The following C8orf34 variants were observed in gnomAD, a reference collection of about 807,000 sequenced individuals.
C8orf34 encodes chromosome 8 open reading frame 34.
In C8orf34, 65 loss-of-function variants were observed where a neutral mutation model predicts 68.3. That is an observed-to-expected ratio of 0.95 (90% CI 0.78 to 1.17). C8orf34 has a LOEUF of 1.17. Ranked by LOEUF, C8orf34 falls within the 50% of genes most tolerant of loss-of-function variation. The probability of loss-of-function intolerance (pLI) is 0.00; values close to 1 mark genes in which losing one functional copy is unlikely to be tolerated. For synonymous variants in C8orf34, 244 were observed against 241.2 expected, an observed-to-expected ratio of 1.01 and a Z score of -0.11; for missense variants, 664 against 655.4, an observed-to-expected ratio of 1.01 and a Z score of -0.14.
chr8:68,791,010 A>G (rs2958318), intron 12 of C8orf34: 1 of 598,270 alleles, frequency 1.7e-6, no homozygotes, highest in East Asian at 2.8e-5. Flanking sequence ...CTCATCTATA[A>G]ATAAGTTTGA....
intron 4 of C8orf34, among the ~76,000 whole-genome samples, chr8:68,481,236 C>G (rs980140421): frequency 2.0e-5 from 3 of 152,216 alleles, no homozygotes; most frequent in Non-Finnish European, 4.4e-5. Context: ...TGAGCCTGCA[C>G]GTGCACAGAA....
intron 12 of C8orf34, chr8:68,791,258 A>G (rs1396396271): frequency 3.8e-6 from 1 of 266,120 alleles, no homozygotes; most frequent in Non-Finnish European, 7.0e-6. Context: ...TCTTCTAAGG[A>G]GAGAGAGAGA....
At chr8:68,606,237 G>A (rs192325700) in intron 7 of C8orf34, among the ~76,000 whole-genome samples, 7 of 152,142 alleles carry the variant, frequency 4.6e-5, no homozygotes, top group Non-Finnish European at 2.9e-5. Flanking sequence ...TAAGTATTTG[G>A]TAACATGGCT....
chr8:68,394,195 G>A (rs1048887451), intron 1 of C8orf34, among the ~76,000 whole-genome samples: 20 of 150,822 alleles, frequency 1.3e-4, no homozygotes, highest in South Asian at 1.1e-3. Flanking sequence ...CCACTAACTC[G>A]TCATCTAACA....
chr8:68,459,356 A>C (rs978815330), intron 3 of C8orf34, among the ~76,000 whole-genome samples: 1 of 151,960 alleles, frequency 6.6e-6, no homozygotes, highest in Non-Finnish European at 1.5e-5. Context: ...CAGCCTCCCG[A>C]GTAGCTGGGA....
At chr8:68,545,003 T>G (rs1282704209) in intron 7 of C8orf34, among the ~76,000 whole-genome samples, 1 of 152,156 alleles carries the variant, frequency 6.6e-6, no homozygotes, top group African/African-American at 2.4e-5. Flanking sequence ...TCCCCAAATT[T>G]GGTTACGAGC....
chr8:68,787,046 C>T (rs959696741), intron 11 of C8orf34, among the ~76,000 whole-genome samples: 2 of 152,158 alleles, frequency 1.3e-5, no homozygotes, highest in Non-Finnish European at 2.9e-5. Context: ...CGAAGATGTT[C>T]TCTAAATCCC....
chr8:68,375,736 C>CTACT (rs1320280829), intron 1 of C8orf34, among the ~76,000 whole-genome samples: 2 of 152,166 alleles, frequency 1.3e-5, no homozygotes, highest in Admixed American at 6.5e-5. Flanking sequence ...TTACCTTGAC[C>CTACT]TACTGTACTC....
intron 8 of C8orf34, among the ~76,000 whole-genome samples, chr8:68,653,633 T>C (rs1200011718): frequency 2.0e-5 from 3 of 152,206 alleles, no homozygotes; most frequent in Non-Finnish European, 4.4e-5. Flanking sequence ...AACTTCTTTG[T>C]GTATCCTCAC....
chr8:68,373,865 A>G (rs924556666), intron 1 of C8orf34, among the ~76,000 whole-genome samples: 4 of 152,122 alleles, frequency 2.6e-5, no homozygotes, highest in African/African-American at 7.2e-5. Flanking sequence ...AGGCATCCTG[A>G]TTATTTTCAA....
chr8:68,435,722 G>A (rs1307279518), intron 1 of C8orf34, among the ~76,000 whole-genome samples: 1 of 152,210 alleles, frequency 6.6e-6, no homozygotes, highest in Non-Finnish European at 1.5e-5. Context: ...TGGAGATTCT[G>A]AGAATTCATT....
intron 1 of C8orf34, among the ~76,000 whole-genome samples, chr8:68,413,478 T>C (rs1462108995): frequency 1.3e-5 from 2 of 152,218 alleles, no homozygotes; most frequent in African/African-American, 4.8e-5. Flanking sequence ...ATTAATTTAA[T>C]AATTACTGTA....
At chr8:68,519,573 A>C (rs1456091756) in intron 5 of C8orf34, among the ~76,000 whole-genome samples, 1 of 131,622 alleles carries the variant, frequency 7.6e-6, no homozygotes, top group Non-Finnish European at 1.5e-5. Context: ...AAAACATTTC[A>C]TTCAATATAA....
chr8:68,618,447 T>C (rs534759450), intron 7 of C8orf34, among the ~76,000 whole-genome samples: 1 of 152,212 alleles, frequency 6.6e-6, no homozygotes, highest in East Asian at 1.9e-4. Context: ...CTTCCCAGGC[T>C]CAACAGATCC....
At chr8:68,587,062 A>G (rs969234349) in intron 7 of C8orf34, among the ~76,000 whole-genome samples, 4 of 152,094 alleles carry the variant, frequency 2.6e-5, no homozygotes, top group Non-Finnish European at 5.9e-5. Context: ...CCTCAGACTC[A>G]GGTAAATTTG....
chr8:68,343,734 C>T (rs961579625), intron 1 of C8orf34, among the ~76,000 whole-genome samples: 1 of 152,038 alleles, frequency 6.6e-6, no homozygotes, highest in Admixed American at 6.6e-5. Flanking sequence ...GCTGGCATTA[C>T]AGGTATGCAC....
At chr8:68,592,828 C>A (rs947743647) in intron 7 of C8orf34, among the ~76,000 whole-genome samples, 2 of 151,892 alleles carry the variant, frequency 1.3e-5, no homozygotes, top group Non-Finnish European at 2.9e-5. Context: ...AGGCTGGTCT[C>A]GAACTTCTGA....
At chr8:68,598,358 C>G (rs1313180626) in intron 7 of C8orf34, among the ~76,000 whole-genome samples, 1 of 152,094 alleles carries the variant, frequency 6.6e-6, no homozygotes, top group Non-Finnish European at 1.5e-5. Flanking sequence ...ACTACTTTTG[C>G]TTATGGAGAT....
intron 11 of C8orf34, among the ~76,000 whole-genome samples, chr8:68,783,381 G>A (rs1390381807): frequency 1.3e-5 from 2 of 152,108 alleles, no homozygotes; most frequent in East Asian, 3.9e-4. Context: ...ATCTGAGCAT[G>A]GAGGCGTGTG....
Sources: gnomAD v4.1 joint callset for allele counts (sites outside exome capture counted in the v4.1 genomes callset) on GRCh38, gnomAD v4.1.1 for gene constraint, MANE v1.5 for transcripts, NCBI Gene and HGNC (gene_info 2026-07-23, HGNC 2026-07-21) for gene names.